Variants in KMT5B observed in about 807,000 individuals in gnomAD.
The protein encoded by KMT5B is lysine methyltransferase 5B, also known as histone-lysine N-methyltransferase KMT5B.
Under a neutral mutation model 83.2 loss-of-function variants are expected in KMT5B, and 10 were observed. That is an observed-to-expected ratio of 0.12 (90% CI 0.07 to 0.20). KMT5B has a LOEUF of 0.20. Among genes scored for constraint, KMT5B ranks in the 10% least tolerant of loss-of-function variants. The pLI is 1.00. For missense variants in KMT5B, 753 were observed against 1,067.2 expected (o/e 0.71, Z 4.10); for synonymous variants, 349 against 388.8 (o/e 0.90, Z 1.20).
Position 68,158,797 on chromosome 11 carries a change from G to A in KMT5B, c.1549C>T (p.His517Tyr), listed in dbSNP as rs1859499553. ...GCLTRHAARE[H>Y]RQNPVRGAHS... ...GCACCTCTCACAGGATTCTGTCTGT[G>A]TTCTCTCGCCGCGTGTCTAGTCAAG... The change falls in exon 11 of 11, where the codon CAC (histidine) becomes TAC (tyrosine). Residue 517 changes from histidine to tyrosine, a missense_variant. By Grantham distance (83) the His-to-Tyr change is moderately conservative. Coordinates refer to ENST00000304363, the MANE Select transcript of KMT5B (RefSeq NM_017635.5). The A allele has an allele frequency of 6.2e-7, 1 of 1,614,158 alleles. No homozygotes were observed. The highest frequency in any genetic ancestry group is 8.5e-7 in the Non-Finnish European group (1 of 1,180,028).
chr11:68,213,301 G>C (rs535889222), upstream of KMT5B: 2 of 147,558 alleles, frequency 1.4e-5, no homozygotes, highest in Non-Finnish European at 3.0e-5. Context: ...CAAGATGGCG[G>C]CGCGGGCCGC....
At chr11:68,199,781 G>C (rs1859192295) in intron 1 of KMT5B, among the ~76,000 whole-genome samples, 1 of 152,254 alleles carries the variant, frequency 6.6e-6, no homozygotes, top group African/African-American at 2.4e-5. Flanking sequence ...TGCAGCAGCA[G>C]AGGTGGCAAG....
At chr11:68,166,503 T>C in intron 10 of KMT5B, 1 of 1,002,870 alleles carries the variant, frequency 1.0e-6, no homozygotes, top group Non-Finnish European at 1.2e-6. Flanking sequence ...ACTGAGTCAG[T>C]TCGTTTTGAA....
intron 1 of KMT5B, among the ~76,000 whole-genome samples, chr11:68,199,675 T>G (rs1238622772): frequency 1.3e-5 from 2 of 152,210 alleles, no homozygotes; most frequent in African/African-American, 4.8e-5. Context: ...ATGAAGCTAC[T>G]AATAATTTCT....
chr11:68,201,589 A>G (rs574667861), intron 1 of KMT5B, among the ~76,000 whole-genome samples: 1 of 152,314 alleles, frequency 6.6e-6, no homozygotes, highest in Non-Finnish European at 1.5e-5. Flanking sequence ...TAAAAAAAAA[A>G]TCTGTCAAAA....
intron 1 of KMT5B, among the ~76,000 whole-genome samples, chr11:68,198,527 T>C (rs960550427): frequency 1.3e-5 from 2 of 152,146 alleles, no homozygotes; most frequent in Non-Finnish European, 2.9e-5. Context: ...AAATGCTTCA[T>C]AGCTACCACA....
chr11:68,165,038 ATTC>A (rs1355336356), intron 10 of KMT5B, among the ~76,000 whole-genome samples: 2 of 152,234 alleles, frequency 1.3e-5, no homozygotes, highest in Non-Finnish European at 1.5e-5. Flanking sequence ...AATTATTTGT[ATTC>A]TTATCTTTTA....
chr11:68,175,050 T>C lies in KMT5B; in HGVS notation c.511A>G (p.Asn171Asp). 6.2e-7 allele frequency: 1 copy of C among 1,614,040 alleles called. No homozygotes were observed. The highest frequency in any genetic ancestry group is 8.5e-7 in the Non-Finnish European group (1 of 1,179,932). ...TTGAATAATTTCTCCTGCATTTTAT[T>C]CTTGTTGAGAAAATAGTGCCGTGCC... ...EWARHYFLNK[N>D]KMQEKLFKEH... The change falls in exon 5 of 11, where the codon AAT becomes GAT. Residue 171 changes from asparagine to aspartate, a missense_variant. Coordinates refer to ENST00000304363, the MANE Select transcript of KMT5B (RefSeq NM_017635.5).
intron 1 of KMT5B, among the ~76,000 whole-genome samples, chr11:68,192,474 A>C (rs551425784): frequency 6.6e-6 from 1 of 152,274 alleles, no homozygotes; most frequent in African/African-American, 2.4e-5. Flanking sequence ...TGCTCAACAA[A>C]TATTTCTCTC....
intron 1 of KMT5B, among the ~76,000 whole-genome samples, chr11:68,190,372 T>G (rs1023164444): frequency 3.9e-5 from 6 of 152,222 alleles, no homozygotes; most frequent in Non-Finnish European, 5.9e-5. Context: ...TGCCTAGTAT[T>G]TACTATATTA....
chr11:68,183,456 C>T (rs1030688384), intron 3 of KMT5B, among the ~76,000 whole-genome samples: 2 of 151,982 alleles, frequency 1.3e-5, no homozygotes, highest in Non-Finnish European at 2.9e-5. Flanking sequence ...CTCCCAGGTT[C>T]GAGGGATTCT....
intron 1 of KMT5B, among the ~76,000 whole-genome samples, chr11:68,202,380 C>G (rs1401027671): frequency 6.6e-6 from 1 of 152,154 alleles, no homozygotes; most frequent in Non-Finnish European, 1.5e-5. Flanking sequence ...GGGGTGCCGC[C>G]ACACTGCTCC....
intron 4 of KMT5B, among the ~76,000 whole-genome samples, chr11:68,176,073 C>A (rs568309148): frequency 6.6e-6 from 1 of 152,204 alleles, no homozygotes; most frequent in Admixed American, 6.5e-5. Context: ...CGCCACCATG[C>A]CCAGCTAATT....
intron 1 of KMT5B, among the ~76,000 whole-genome samples, chr11:68,212,187 A>AAG (rs1229361026): frequency 1.3e-5 from 2 of 152,216 alleles, no homozygotes; most frequent in African/African-American, 4.8e-5. Flanking sequence ...CCTACACAGC[A>AAG]AAGTTCAGAC....
intron 2 of KMT5B, among the ~76,000 whole-genome samples, chr11:68,187,348 C>T (rs182221919): frequency 2.6e-5 from 4 of 152,240 alleles, no homozygotes; most frequent in South Asian, 2.1e-4. Flanking sequence ...TCTAAACCAC[C>T]GCTTTGGCTG....
chr11:68,209,607 C>T (rs989893654), intron 1 of KMT5B, among the ~76,000 whole-genome samples: 2 of 152,128 alleles, frequency 1.3e-5, no homozygotes, highest in African/African-American at 4.8e-5. Flanking sequence ...TACTGGTTCC[C>T]CTAACATGCA....
chr11:68,204,146 A>T (rs575838579), intron 1 of KMT5B, among the ~76,000 whole-genome samples: 1 of 152,142 alleles, frequency 6.6e-6, no homozygotes, highest in Non-Finnish European at 1.5e-5. Flanking sequence ...CTGCCCTTTC[A>T]GAATAAAACG....
At chr11:68,185,702 G>A in intron 3 of KMT5B, 79 bp downstream of exon 3, 1 of 1,387,708 alleles carries the variant, frequency 7.2e-7, no homozygotes, top group Non-Finnish European at 9.7e-7. Context: ...TAAATTTTGA[G>A]CAAAAGTAAA....
At chr11:68,172,107 G>C (rs1565226651) in intron 6 of KMT5B, among the ~76,000 whole-genome samples, 1 of 152,160 alleles carries the variant, frequency 6.6e-6, no homozygotes, top group African/African-American at 2.4e-5. Flanking sequence ...CCGGAATCAT[G>C]GTGCCACTCT....
Sources: gnomAD v4.1 joint callset for allele counts (sites outside exome capture counted in the v4.1 genomes callset) on GRCh38, gnomAD v4.1.1 for gene constraint, MANE v1.5 for transcripts, NCBI Gene and HGNC (gene_info 2026-07-23, HGNC 2026-07-21) for gene names.